VAT1L: variants seen among roughly 807,000 people sequenced by gnomAD.
VAT1L encodes putative NADPH-dependent quinone oxidoreductase VAT1L.
Under a neutral mutation model 44.1 loss-of-function variants are expected in VAT1L, and 34 were observed. The observed-to-expected ratio is 0.77, with a 90% CI of 0.59 to 1.03. The LOEUF (loss-of-function observed/expected upper bound fraction) is 1.03. Among genes scored for constraint, VAT1L ranks in the 50% least tolerant of loss-of-function variants. The pLI, the probability that VAT1L is intolerant of heterozygous loss-of-function variation, is 0.00. For missense variants in VAT1L, 615 were observed against 538.8 expected (o/e 1.14, Z -1.40); for synonymous variants, 253 against 202.2 (o/e 1.25, Z -2.13).
intron 7 of VAT1L, among the ~76,000 whole-genome samples, chr16:77,950,897 C>A (rs2018034334): frequency 6.6e-6 from 1 of 152,108 alleles, no homozygotes; most frequent in Non-Finnish European, 1.5e-5. Flanking sequence ...GGAAATGTCT[C>A]CTTATAAAAT....
Position 77,979,401 on chromosome 16 carries a change from T to G in VAT1L, c.*1706T>G, listed in dbSNP as rs113851954. ...TCCAGTTCTGGGTCATTTAGAGAGA[T>G]AATGGGGCGTTTATTCCCCTATTAC... On this transcript the variant is annotated 3_prime_UTR_variant, in exon 9 of 9. Coordinates refer to ENST00000302536, the MANE Select transcript of VAT1L (RefSeq NM_020927.3). 6.6e-6 allele frequency: 1 copy of G among 152,178 alleles called. No homozygotes were observed. Among genetic ancestry groups the G allele is most frequent in the Non-Finnish European group, 1.5e-5 (1 of 68,042 alleles). The allele number at this position is 152,178 out of a possible 1,614,324, so 9.4% of individuals were successfully genotyped here. A position where few individuals can be genotyped will look rare whatever the true frequency, so the allele number is the denominator to read the frequency against.
intron 4 of VAT1L, among the ~76,000 whole-genome samples, chr16:77,866,819 C>A (rs1049706237): frequency 2.2e-4 from 33 of 152,078 alleles, no homozygotes; most frequent in Non-Finnish European, 7.4e-5. Flanking sequence ...TGAAACCAAG[C>A]CAAAGCGTTA....
intron 7 of VAT1L, among the ~76,000 whole-genome samples, chr16:77,966,932 TAAAAAAAAAAAA>T (rs55896887): frequency 9.4e-6 from 1 of 106,556 alleles, no homozygotes; most frequent in Non-Finnish European, 1.8e-5. Context: ...TAGAGTACTT[TAAAAAAAAAAAA>T]AAAAAAAAAA....
At chr16:77,898,324 AAG>A (rs764438827) in intron 7 of VAT1L, among the ~76,000 whole-genome samples, 11 of 152,184 alleles carry the variant, frequency 7.2e-5, no homozygotes, top group Non-Finnish European at 1.5e-4. Context: ...ATATTTGGAA[AAG>A]AGGGGGGGGA....
At chr16:77,912,189 A>G (rs1276727044) in intron 7 of VAT1L, among the ~76,000 whole-genome samples, 12 of 152,208 alleles carry the variant, frequency 7.9e-5, no homozygotes, top group African/African-American at 4.8e-5. Flanking sequence ...ACTTCCCAGC[A>G]TAAGTGAGTT....
Position 77,971,897 on chromosome 16 carries a change from G to A in VAT1L, c.1125G>A (p.Lys375=). Residue 375 remains lysine (K), a synonymous_variant, in exon 8 of 9, where the codon AAG becomes AAA. Transcript: ENST00000302536. The part of the protein sequence containing the change: ...QRIHDRGNIG[K]LILDVEKTPT... ...TTCACGACCGAGGGAACATTGGCAA[G>A]TTAATTCTGGATGTAGAAAAGACCC... The A allele has an allele frequency of 6.2e-7, 1 of 1,613,990 alleles. No individual in the cohort carries two copies. The highest frequency in any genetic ancestry group is 8.5e-7 in the Non-Finnish European group (1 of 1,179,916).
chr16:77,874,314 G>C (rs1162870818), intron 4 of VAT1L, among the ~76,000 whole-genome samples: 9 of 152,042 alleles, frequency 5.9e-5, no homozygotes. Flanking sequence ...GCAAGAGTGA[G>C]CAAACTTAGC....
At chr16:77,855,938 A>C (rs2016854102) in intron 3 of VAT1L, among the ~76,000 whole-genome samples, 2 of 152,184 alleles carry the variant, frequency 1.3e-5, no homozygotes, top group South Asian at 4.1e-4. Context: ...GAATTGCTTG[A>C]ACACAGGAGG....
At position 77,978,382 on chromosome 16, in the gene VAT1L, G is replaced by T. The variant is rs915381672; in HGVS notation, c.*687G>T. 8 of 152,242 alleles carry T rather than the reference G, an allele frequency of 5.3e-5. No homozygotes were observed. The highest frequency in any genetic ancestry group is 1.0e-4 in the Non-Finnish European group (7 of 68,088). 9.4% of individuals were successfully genotyped at this position (152,242 alleles called of 1,614,324 possible). ...AATGGGTCAACAGCATGAGTTTGAG[G>T]ACCTGCTGTGAAGATTTCTCCTCCA... On this transcript the variant is annotated 3_prime_UTR_variant, in exon 9 of 9. Coordinates refer to ENST00000302536, the MANE Select transcript of VAT1L (RefSeq NM_020927.3).
chr16:77,836,441 T>C (rs2016639832), intron 3 of VAT1L, among the ~76,000 whole-genome samples: 1 of 152,172 alleles, frequency 6.6e-6, no homozygotes, highest in South Asian at 2.1e-4. Context: ...ATCAAAGCGA[T>C]GAGGATTAAC....
At chr16:77,841,370 G>A (rs181946606) in intron 3 of VAT1L, among the ~76,000 whole-genome samples, 11 of 152,244 alleles carry the variant, frequency 7.2e-5, no homozygotes, top group African/African-American at 4.8e-5. Flanking sequence ...GGCATGAGCC[G>A]CCACACCTGG....
chr16:77,889,742 A>C (rs1027320500), intron 7 of VAT1L, among the ~76,000 whole-genome samples: 2 of 152,252 alleles, frequency 1.3e-5, no homozygotes, highest in Non-Finnish European at 2.9e-5. Flanking sequence ...GCAATAACAG[A>C]GTATTAATTT....
At chr16:77,899,038 C>G (rs2017353506) in intron 7 of VAT1L, among the ~76,000 whole-genome samples, 1 of 152,206 alleles carries the variant, frequency 6.6e-6, no homozygotes. Context: ...GACAAAGGAG[C>G]AATCATGGCT....
At chr16:77,834,076 A>G (rs2016612901) in intron 3 of VAT1L, among the ~76,000 whole-genome samples, 1 of 152,014 alleles carries the variant, frequency 6.6e-6, no homozygotes, top group South Asian at 2.1e-4. Context: ...ACACATACCA[A>G]TCTGTTCTTG....
intron 7 of VAT1L, among the ~76,000 whole-genome samples, chr16:77,968,667 G>C (rs1046199720): frequency 6.6e-6 from 1 of 151,990 alleles, no homozygotes; most frequent in Non-Finnish European, 1.5e-5. Context: ...GGAGCTTGCA[G>C]TGAGCCAAGA....
intron 7 of VAT1L, among the ~76,000 whole-genome samples, chr16:77,933,150 G>A (rs749174758): frequency 3.9e-5 from 6 of 152,136 alleles, no homozygotes; most frequent in Non-Finnish European, 2.9e-5. Context: ...TTAATGTGAT[G>A]GAATACTTCA....
intron 5 of VAT1L, among the ~76,000 whole-genome samples, chr16:77,877,286 G>A (rs373735348): frequency 2.0e-4 from 31 of 151,942 alleles, no homozygotes; most frequent in Middle Eastern, 3.2e-3. Flanking sequence ...CGAGGCGGGC[G>A]GATCATGAGG....
rs10657560 is a variant in VAT1L at position 77,825,858 on chromosome 16, T to TAAA, written c.579+410_579+412dup. Among the ~76,000 whole-genome samples, 110 of 139,040 alleles carry TAAA rather than the reference T, an allele frequency of 7.9e-4. 1 individual carries two copies. Among genetic ancestry groups the TAAA allele is most frequent in the South Asian group, 7.0e-3 (30 of 4,256 alleles). 91.2% of individuals were successfully genotyped at this position (139,040 alleles called of 152,430 possible). A position where few individuals can be genotyped will look rare whatever the true frequency, so the allele number is the denominator to read the frequency against. ...GGTGAAACCCCGTCTCTACTAAAAA[T>TAAA]AAAAAAAAAAAAAAATTAGCCGGGC... On this transcript the variant is annotated intron_variant, in intron 3 of 8. Transcript: ENST00000302536.
rs145990569 is a variant in VAT1L, at chr16:77,945,429, G to T, written c.1078-26421G>T. Among the ~76,000 whole-genome samples the T allele has an allele frequency of 4.6e-5, 7 of 151,960 alleles. No homozygotes were observed. In the East Asian group the frequency reaches 1.4e-3, roughly 30 times the overall value. ...AGTCTCCTGAGTAACTGCGATTACA[G>T]GCACTCACCATCATGCCCATGTAAT... On this transcript the variant is annotated intron_variant, in intron 7 of 8. Coordinates refer to ENST00000302536, the MANE Select transcript of VAT1L (RefSeq NM_020927.3).
Sources: allele counts gnomAD v4.1 joint callset (sites outside exome capture counted in the v4.1 genomes callset), GRCh38; gene constraint gnomAD v4.1.1; transcripts MANE v1.5; gene names NCBI Gene and HGNC (gene_info 2026-07-23, HGNC 2026-07-21).